HIVEP3: variants seen among roughly 807,000 people sequenced by gnomAD.
The protein encoded by HIVEP3 is HIVEP zinc finger 3, also known as transcription factor HIVEP3.
A neutral mutation model predicts 152.8 loss-of-function variants in HIVEP3; 49 were observed. The ratio of observed to expected loss-of-function variants is 0.32; its 90% CI spans 0.26 to 0.41. The LOEUF is 0.41. Ranked by LOEUF, HIVEP3 falls within the 10% of genes least tolerant of loss-of-function variation. The probability of loss-of-function intolerance (pLI) is 1.00; values close to 1 mark genes in which losing one functional copy is unlikely to be tolerated. For synonymous variants in HIVEP3, 1,269 were observed against 1,289.0 expected (o/e 0.98, Z 0.33); for missense variants, 2,790 against 3,103.3 (o/e 0.90, Z 2.40).
At chr1:41,644,068 T>G (rs1645421359) in intron 2 of HIVEP3, among the ~76,000 whole-genome samples, 1 of 151,890 alleles carries the variant, frequency 6.6e-6, no homozygotes, top group African/African-American at 2.4e-5. Context: ...TTTATTTTTG[T>G]GGAGATGAGG....
intron 1 of HIVEP3, among the ~76,000 whole-genome samples, chr1:41,985,014 C>T (rs1033802229): frequency 1.3e-5 from 2 of 151,270 alleles, no homozygotes; most frequent in Non-Finnish European, 2.9e-5. Flanking sequence ...AGAATGGCAG[C>T]GAAGGCCCTT....
intron 3 of HIVEP3, among the ~76,000 whole-genome samples, chr1:41,619,194 T>A (rs895612610): frequency 2.0e-5 from 3 of 152,138 alleles, no homozygotes; most frequent in Admixed American, 6.5e-5. Context: ...CAGGCTGATC[T>A]TGCCTCCGCC....
chr1:41,598,031 C>G (rs1644691721), intron 3 of HIVEP3, among the ~76,000 whole-genome samples: 1 of 152,208 alleles, frequency 6.6e-6, no homozygotes, highest in Non-Finnish European at 1.5e-5. Context: ...TCTGGACACC[C>G]ATGAGAACTC....
At position 41,918,076 on chromosome 1, in the gene HIVEP3, CTGGAGCGCACGGCGCGCATAGGGT is replaced by C. The variant is rs1261820334; in HGVS notation, c.-801+313_-801+336del. 6.6e-6 allele frequency among the ~76,000 whole-genome samples: 1 copy of C among 152,216 alleles called. No homozygotes were observed. The highest frequency in any genetic ancestry group is 1.5e-5 in the Non-Finnish European group (1 of 68,038). On this transcript the variant is annotated intron_variant, in intron 1 of 8. Transcript: ENST00000372583. This position sits in a 1 kb window ranked among gnomAD's most constrained non-coding sequence, Gnocchi z 4.3. ...CCAGCAGAGCCTGCTGCAAGCAGCG[CTGGAGCGCACGGCGCGCATAGGGT>C]TACAGCCCCGCCGCCGCCGCCGCCG...
At chr1:41,638,647 C>G (rs78754223) in intron 2 of HIVEP3, among the ~76,000 whole-genome samples, 3,479 of 152,228 alleles carry the variant, frequency 0.023, 112 homozygotes, top group African/African-American at 0.078. Flanking sequence ...GTAGAGGGGC[C>G]CATCTGCAAG....
chr1:41,984,368 C>T (rs940604662), intron 1 of HIVEP3, among the ~76,000 whole-genome samples: 2 of 151,994 alleles, frequency 1.3e-5, no homozygotes, highest in Admixed American at 6.5e-5. Context: ...TATTCAATAA[C>T]AACATTTTGT....
chr1:41,879,019 G>T (rs993566850), intron 1 of HIVEP3, among the ~76,000 whole-genome samples: 4 of 150,256 alleles, frequency 2.7e-5, no homozygotes, highest in Non-Finnish European at 1.5e-5. Context: ...TACTTCCCAG[G>T]TCATCCCAGA....
chr1:41,698,407 T>C (rs988845807), intron 2 of HIVEP3, among the ~76,000 whole-genome samples: 7 of 152,190 alleles, frequency 4.6e-5, no homozygotes, highest in Non-Finnish European at 1.0e-4. Context: ...TTGCAGGTAA[T>C]GTGTGCCTTC....
At chr1:41,587,697 T>C (rs561224022) in intron 3 of HIVEP3, among the ~76,000 whole-genome samples, 32 of 152,310 alleles carry the variant, frequency 2.1e-4, no homozygotes, top group African/African-American at 7.7e-4. Flanking sequence ...TTCCTCTCAC[T>C]TGACAGAAGA....
At chr1:41,593,115 G>T (rs144490472) in intron 3 of HIVEP3, among the ~76,000 whole-genome samples, 2 of 152,198 alleles carry the variant, frequency 1.3e-5, no homozygotes, top group East Asian at 1.9e-4. Context: ...GAAATGCTGG[G>T]GAACTTTCTC....
chr1:41,876,256 T>C (rs1402719045), intron 1 of HIVEP3, among the ~76,000 whole-genome samples: 7 of 152,190 alleles, frequency 4.6e-5, no homozygotes, highest in African/African-American at 1.7e-4. Context: ...AGCAATGTTT[T>C]GGGAGTCACA....
intron 5 of HIVEP3, among the ~76,000 whole-genome samples, chr1:41,538,152 C>A (rs1643444100): frequency 6.6e-6 from 1 of 152,120 alleles, no homozygotes; most frequent in Admixed American, 6.5e-5. Flanking sequence ...AGAAGAAACA[C>A]CTTTGTCTGA....
intron 5 of HIVEP3, among the ~76,000 whole-genome samples, chr1:41,573,096 A>C (rs770011957): frequency 5.1e-4 from 78 of 152,360 alleles, no homozygotes; most frequent in Non-Finnish European, 9.6e-4. Flanking sequence ...GCTCCATAGC[A>C]GATCCTTCTC....
At chr1:41,936,928 CA>C (rs899590285) in intron 1 of HIVEP3, among the ~76,000 whole-genome samples, 5 of 152,188 alleles carry the variant, frequency 3.3e-5, no homozygotes, top group Admixed American at 6.5e-5. Context: ...AGTATTAGAT[CA>C]TTCTCCCTAT....
intron 5 of HIVEP3, among the ~76,000 whole-genome samples, chr1:41,530,232 G>A (rs191825526): frequency 1.3e-5 from 2 of 152,298 alleles, no homozygotes; most frequent in East Asian, 3.9e-4. Flanking sequence ...ACCTTTCCAC[G>A]GGATCCAGGA....
chr1:41,657,070 T>C (rs1437159630), intron 2 of HIVEP3, among the ~76,000 whole-genome samples: 1 of 152,238 alleles, frequency 6.6e-6, no homozygotes, highest in Non-Finnish European at 1.5e-5. Flanking sequence ...TCTGAGCTTC[T>C]TGGGGATGCA....
At chr1:41,587,651 T>G (rs1214829671) in intron 3 of HIVEP3, among the ~76,000 whole-genome samples, 1 of 152,262 alleles carries the variant, frequency 6.6e-6, no homozygotes. Context: ...CACCGTGATC[T>G]TCTGATAGAT....
At chr1:41,848,685 G>A (rs996024927) in intron 1 of HIVEP3, among the ~76,000 whole-genome samples, 13 of 152,144 alleles carry the variant, frequency 8.5e-5, no homozygotes, top group African/African-American at 2.4e-4. Context: ...GGCAGAAGGC[G>A]AGAGCAGAGA....
At chr1:41,999,631 A>G (rs1425340526) in intron 1 of HIVEP3, among the ~76,000 whole-genome samples, 1 of 152,214 alleles carries the variant, frequency 6.6e-6, no homozygotes, top group Non-Finnish European at 1.5e-5. Flanking sequence ...CCCAGAAAGG[A>G]AGGGAAAGGA....
Sources: gnomAD v4.1 joint callset for allele counts (sites outside exome capture counted in the v4.1 genomes callset) on GRCh38, gnomAD v4.1.1 for gene constraint, Gnocchi (gnomAD v3.1) non-coding constraint, MANE v1.5 for transcripts, NCBI Gene and HGNC (gene_info 2026-07-23, HGNC 2026-07-21) for gene names.